PDK3: variants seen among roughly 807,000 people sequenced by gnomAD.
PDK3 encodes the protein pyruvate dehydrogenase kinase 3.
Under a neutral mutation model 32.0 loss-of-function variants are expected in PDK3, and 12 were observed. That is an observed-to-expected ratio of 0.37 (90% CI 0.24 to 0.61). The LOEUF (loss-of-function observed/expected upper bound fraction) is 0.61, where lower values mean the gene tolerates loss of function less well. Ranked by LOEUF, PDK3 falls within the 20% of genes least tolerant of loss-of-function variation. The probability of loss-of-function intolerance (pLI) is 0.65; values close to 1 mark genes in which losing one functional copy is unlikely to be tolerated. For synonymous variants in PDK3, 122 were observed against 116.3 expected (o/e 1.05, Z -0.31); for missense variants, 188 against 316.9 (o/e 0.59, Z 3.09).
At chrX:24,514,293 T>G (rs1436618188) in intron 5 of PDK3, among the ~76,000 whole-genome samples, 1 of 112,128 alleles carries the variant, frequency 8.9e-6, no homozygotes, top group East Asian at 2.8e-4. Flanking sequence ...GTTTAGATAT[T>G]TTAACCTGGG....
At chrX:24,520,308 AT>A (rs1256703627) in intron 6 of PDK3, among the ~76,000 whole-genome samples, 2 of 112,385 alleles carry the variant, frequency 1.8e-5, no homozygotes, top group African/African-American at 6.5e-5. Context: ...ACAATAGAGC[AT>A]TGTTTAACTG....
At chrX:24,517,776 C>G (rs1922293614) in intron 5 of PDK3, among the ~76,000 whole-genome samples, 1 of 111,829 alleles carries the variant, frequency 8.9e-6, no homozygotes, top group Non-Finnish European at 1.9e-5. Context: ...TTTATTTTAT[C>G]CTTTAAAAAG....
chrX:24,510,664 A>G (rs1255776988), intron 5 of PDK3, among the ~76,000 whole-genome samples: 1 of 111,997 alleles, frequency 8.9e-6, no homozygotes, highest in Non-Finnish European at 1.9e-5. Flanking sequence ...TGAATTTGAT[A>G]CCCCATGGTA....
intron 5 of PDK3, among the ~76,000 whole-genome samples, chrX:24,508,462 T>G (rs906640560): frequency 1.8e-5 from 2 of 111,496 alleles, no homozygotes; most frequent in African/African-American, 6.5e-5. Flanking sequence ...CTTTCACTAA[T>G]TTTTAGGGAG....
chrX:24,493,966 A>C (rs1396665745), intron 1 of PDK3, among the ~76,000 whole-genome samples: 1 of 111,983 alleles, frequency 8.9e-6, no homozygotes, highest in African/African-American at 3.2e-5. Flanking sequence ...GAAAGAGCTC[A>C]GGTTTCCTCT....
rs773844690 is a variant in PDK3 at position 24,525,658 on chromosome X, G to A, written c.674-540G>A. On this transcript the variant is annotated intron_variant, in intron 6 of 10. Coordinates refer to ENST00000379162, the MANE Select transcript of PDK3 (RefSeq NM_005391.5). ...CATGGTGCAAGGGGAAAAGATCATAGGTCTCTAGGGGTTTATGTGCTAGCT... is the reference window on the plus strand; with the variant it reads ...CATGGTGCAAGGGGAAAAGATCATAAGTCTCTAGGGGTTTATGTGCTAGCT... 8.0e-5 allele frequency among the ~76,000 whole-genome samples: 9 copies of A among 111,902 alleles called. No homozygotes were observed. In the South Asian group the frequency reaches 3.4e-3, roughly 42 times the overall value.
In PDK3 at chrX:24,534,216, A is replaced by G. The variant is rs1341460754; in HGVS notation, c.*144A>G. The G allele has an allele frequency of 1.0e-6, 1 of 973,740 alleles. No homozygotes were observed. Among genetic ancestry groups the G allele is most frequent in the Non-Finnish European group, 1.3e-6 (1 of 773,313 alleles). 80.2% of individuals were successfully genotyped at this position (973,740 alleles called of 1,213,427 possible). ...CTGCCATCAATTTTATTTAAAAAGC[A>G]ATTAAGTTTGCAGTTTGTCCTCATA... On this transcript the variant is annotated 3_prime_UTR_variant, in exon 11 of 11. Transcript: ENST00000379162.
chrX:24,488,467 T>A (rs1921461645), intron 1 of PDK3, among the ~76,000 whole-genome samples: 1 of 111,985 alleles, frequency 8.9e-6, no homozygotes, highest in Non-Finnish European at 1.9e-5. Flanking sequence ...GGCAGGCGGA[T>A]CATCTGAGGT....
chrX:24,536,766 G>C (rs1209391), downstream of PDK3, among the ~76,000 whole-genome samples: 18,436 of 109,827 alleles, frequency 0.17, 1,476 homozygotes, highest in Middle Eastern at 0.26. Flanking sequence ...TAGTCAAACA[G>C]TTGTCCCTCC....
At chrX:24,500,698 T>C (rs1921833022) in intron 3 of PDK3, among the ~76,000 whole-genome samples, 1 of 112,077 alleles carries the variant, frequency 8.9e-6, no homozygotes, top group African/African-American at 3.2e-5. Context: ...GGTGAGCGAG[T>C]ATCATGGTAG....
At position 24,465,454 on chromosome X, in the gene PDK3, G is replaced by A; in HGVS notation, c.-2G>A. ...GCGGGTCTGTGCGCCGCCCGGGCGA[G>A]GATGCGGCTGTTCCGGTGGCTGCTG... On this transcript the variant is annotated 5_prime_UTR_variant, in exon 1 of 11. Coordinates refer to ENST00000379162, the MANE Select transcript of PDK3 (RefSeq NM_005391.5). 2 of 1,199,696 alleles carry A rather than the reference G, an allele frequency of 1.7e-6. No individual in the cohort carries two copies. The highest frequency in any genetic ancestry group is 3.0e-5 in the East Asian group (1 of 33,558).
At chrX:24,504,436 ATC>A (rs1921932982) in intron 4 of PDK3, among the ~76,000 whole-genome samples, 2 of 112,076 alleles carry the variant, frequency 1.8e-5, no homozygotes, top group Admixed American at 1.9e-4. Flanking sequence ...AGGCCTACAC[ATC>A]TCTGTTTTTC....
chrX:24,532,271 A>G (rs1457500738), intron 10 of PDK3, among the ~76,000 whole-genome samples: 1 of 111,078 alleles, frequency 9.0e-6, no homozygotes, highest in African/African-American at 3.3e-5. Context: ...ATCTCAAAAG[A>G]GAAAAAAAAA....
chrX:24,489,150 A>C (rs1414982804), intron 1 of PDK3, among the ~76,000 whole-genome samples: 1 of 112,113 alleles, frequency 8.9e-6, no homozygotes, highest in Non-Finnish European at 1.9e-5. Flanking sequence ...ATTTAAACTG[A>C]GTATCCGGCA....
chrX:24,486,734 G>A (rs1467215934), intron 1 of PDK3, among the ~76,000 whole-genome samples: 4 of 111,064 alleles, frequency 3.6e-5, no homozygotes, highest in Non-Finnish European at 7.5e-5. Context: ...TGGCTCAAGC[G>A]ATCCTCCTGC....
intron 10 of PDK3, among the ~76,000 whole-genome samples, chrX:24,533,383 C>T (rs1922700857): frequency 9.0e-6 from 1 of 111,135 alleles, no homozygotes. Flanking sequence ...GGTGATCCAC[C>T]TGCCTCAGCC....
At chrX:24,495,693 A>T (rs1422337446) in intron 2 of PDK3, among the ~76,000 whole-genome samples, 1 of 111,456 alleles carries the variant, frequency 9.0e-6, no homozygotes, top group Non-Finnish European at 1.9e-5. Context: ...CAACCTGGAG[A>T]CTCTCTGATG....
At chrX:24,509,901 A>G (rs1180779853) in intron 5 of PDK3, among the ~76,000 whole-genome samples, 1 of 112,305 alleles carries the variant, frequency 8.9e-6, no homozygotes, top group African/African-American at 3.2e-5. Context: ...GGTGTAAGTT[A>G]TACTGACTGT....
At chrX:24,535,225 C>T (rs1053933022), downstream of PDK3, among the ~76,000 whole-genome samples, 11 of 111,903 alleles carry the variant, frequency 9.8e-5, no homozygotes, top group African/African-American at 2.6e-4. Flanking sequence ...AAAACATTGG[C>T]TGGGCGCAGT....
Sources: allele counts gnomAD v4.1 joint callset (sites outside exome capture counted in the v4.1 genomes callset), GRCh38; gene constraint gnomAD v4.1.1; transcripts MANE v1.5; gene names NCBI Gene and HGNC (gene_info 2026-07-23, HGNC 2026-07-21).